The following PODN variants were observed in gnomAD, a reference collection of about 807,000 sequenced individuals.
PODN encodes podocan, also known as podocan proteoglycan.
PODN carries 40 observed loss-of-function variants against 52.7 expected under a neutral mutation model. That is an observed-to-expected ratio of 0.76 (90% CI 0.59 to 0.99). The LOEUF (loss-of-function observed/expected upper bound fraction) is 0.99. PODN is among the 50% of genes least tolerant of loss of function. PODN has a pLI of 0.00. For missense variants in PODN, 720 were observed against 815.1 expected (o/e 0.88, Z 1.42); for synonymous variants, 396 against 377.9 (o/e 1.05, Z -0.56).
intron 1 of PODN, among the ~76,000 whole-genome samples, chr1:53,066,503 A>G (rs1189205116): frequency 6.6e-6 from 1 of 152,194 alleles, no homozygotes; most frequent in Non-Finnish European, 1.5e-5. Context: ...GACCAGCCAC[A>G]TTTCAAGTGC....
intron 7 of PODN, 123 bp downstream of exon 7, chr1:53,077,923 G>A: frequency 1.4e-6 from 1 of 724,784 alleles, no homozygotes; most frequent in Non-Finnish European, 2.3e-6. Context: ...CCTGGAGAAG[G>A]AACTTTAAGC....
rs1644338903 is a variant in PODN, at chr1:53,084,765, C to G, written c.*280C>G. 1 of 152,846 alleles carries G rather than the reference C, an allele frequency of 6.5e-6. No homozygotes were observed. Among genetic ancestry groups the G allele is most frequent in the African/African-American group, 2.4e-5 (1 of 41,444 alleles). 9.5% of individuals were successfully genotyped at this position (152,846 alleles called of 1,614,324 possible). A position where few individuals can be genotyped will look rare whatever the true frequency, so the allele number is the denominator to read the frequency against. On this transcript the variant is annotated 3_prime_UTR_variant, in exon 11 of 11. Coordinates refer to ENST00000312553, the MANE Select transcript of PODN (RefSeq NM_153703.5). ...CCAAACCACCACAGTCTCTGTCACA[C>G]CCCCACTACCGCTGCCACGCCCTCT...
intron 7 of PODN, 73 bp from the exon 8 acceptor site, chr1:53,078,292 C>A: frequency 2.1e-6 from 3 of 1,449,138 alleles, no homozygotes; most frequent in Non-Finnish European, 2.8e-6. Flanking sequence ...CCAGCCACAT[C>A]TCTTGGGAAT....
chr1:53,073,441 A>G (rs1182844866), intron 3 of PODN: 1 of 152,234 alleles, frequency 6.6e-6, no homozygotes, highest in Non-Finnish European at 1.5e-5. Context: ...TTACACGCCA[A>G]CCAGCTTCTG....
chr1:53,074,937 AC>A (rs138042800), intron 4 of PODN, among the ~76,000 whole-genome samples: 2,471 of 152,060 alleles, frequency 0.016, 56 homozygotes, highest in African/African-American at 0.056. Context: ...GGGAAGGCAT[AC>A]CTGGAGGGCT....
In PODN at chr1:53,077,773, A is replaced by T; in HGVS notation, c.827A>T (p.Asp276Val). 11 of 1,613,500 alleles carry T rather than the reference A, an allele frequency of 6.8e-6. No homozygotes were observed. Among genetic ancestry groups the T allele is most frequent in the African/African-American group, 1.3e-5 (1 of 75,006 alleles). Residue 276 changes from aspartate to valine, a missense_variant, in exon 7 of 11, where the codon GAC (aspartate) becomes GTC (valine). Coordinates refer to ENST00000312553, the MANE Select transcript of PODN (RefSeq NM_153703.5). ...TACCTGCAGAACAACTACCTGACTGACGAGGGCCTGGACAACGAGACCTTC... is the reference window on the plus strand; with the variant it reads ...TACCTGCAGAACAACTACCTGACTGTCGAGGGCCTGGACAACGAGACCTTC... ...ELYLQNNYLT[D>V]EGLDNETFWK...
intron 4 of PODN, 132 bp downstream of exon 4, chr1:53,074,802 C>T: frequency 1.9e-6 from 1 of 523,998 alleles, no homozygotes; most frequent in South Asian, 3.4e-5. Context: ...AGACATGGCC[C>T]TGGGTCGGGG....
At chr1:53,082,226 C>CTGT in intron 10 of PODN, 38 bp downstream of exon 10, 1 of 1,447,942 alleles carries the variant, frequency 6.9e-7, no homozygotes, top group Non-Finnish European at 9.1e-7. Context: ...ACTTCTGCTC[C>CTGT]CTGCATTTTC....
At chr1:53,074,809 G>A (rs1044183277) in intron 4 of PODN, 139 bp downstream of exon 4, 31 of 671,256 alleles carry the variant, frequency 4.6e-5, no homozygotes, top group Non-Finnish European at 5.9e-5. Context: ...GCCCTGGGTC[G>A]GGGGTGGGGG....
At chr1:53,076,499 CTG>C (rs1644196903) in intron 5 of PODN, among the ~76,000 whole-genome samples, 1 of 152,166 alleles carries the variant, frequency 6.6e-6, no homozygotes, top group South Asian at 2.1e-4. Context: ...CACAGCAAAA[CTG>C]AGCTGTGTCT....
intron 4 of PODN, 68 bp downstream of exon 4, chr1:53,074,738 A>C: frequency 7.1e-7 from 1 of 1,410,706 alleles, no homozygotes; most frequent in Non-Finnish European, 9.6e-7. Flanking sequence ...CCTGAGTTCC[A>C]TGAACTTTCA....
Position 53,075,872 on chromosome 1 carries a change from C to T in PODN, c.482C>T (p.Ala161Val), listed in dbSNP as rs1328840265. ...CTCTTCCCTTCCCAGCTGACCTTGGCACCCCGCTTCCTGCCAAACGCCCTG... is the reference window on the plus strand; with the variant it reads ...CTCTTCCCTTCCCAGCTGACCTTGGTACCCCGCTTCCTGCCAAACGCCCTG... Reference protein sequence around the residue: ...LYLANNKLTLAPRFLPNALIS... With the variant: ...LYLANNKLTLVPRFLPNALIS... The change falls in exon 5 of 11, where the codon GCA becomes GTA. Residue 161 changes from alanine to valine, a missense_variant. Ala to Val is a moderately conservative substitution (Grantham distance 64). Transcript: ENST00000312553. The T allele has an allele frequency of 6.3e-7, 1 of 1,598,524 alleles. No individual in the cohort carries two copies. The highest frequency in any genetic ancestry group is 2.2e-5 in the East Asian group (1 of 44,568).
Position 53,078,874 on chromosome 1 carries a change from T to C in PODN, c.1364T>C (p.Val455Ala), listed in dbSNP as rs916656627. 18 of 1,612,376 alleles carry C rather than the reference T, an allele frequency of 1.1e-5. No individual in the cohort carries two copies. Among genetic ancestry groups the C allele is most frequent in the Admixed American group, 1.7e-5 (1 of 59,924 alleles). ...LPPGLPRNVH[V>A]LKVKRNELAA... ...CCTGGGCTGCCTCGAAATGTCCATG[T>C]GCTGAAGGTCAAGCGCAATGAGCTG... Residue 455 changes from valine to alanine, a missense_variant, in exon 8 of 11, where the codon GTG (valine) becomes GCG (alanine). Physicochemically the swap from Val to Ala is moderately conservative, Grantham distance 64. Coordinates refer to ENST00000312553, the MANE Select transcript of PODN (RefSeq NM_153703.5).
Position 53,080,852 on chromosome 1 carries a change from C to T in PODN, c.1637C>T (p.Pro546Leu), listed in dbSNP as rs1644285659. 1.2e-6 allele frequency: 2 copies of T among 1,614,140 alleles called. No homozygotes were observed. The highest frequency in any genetic ancestry group is 1.7e-6 in the Non-Finnish European group (2 of 1,180,030). ...CCCGCCAATGCCTTCGACTCCACGC[C>T]CAACCTCAAGGGGATCTTTCTCAGG... ...AVPANAFDST[P>L]NLKGIFLRFN... Residue 546 changes from proline to leucine, a missense_variant, in exon 9 of 11, where the codon CCC (proline) becomes CTC (leucine). Transcript: ENST00000312553.
At chr1:53,079,999 T>TAAAA (rs5774134) in intron 8 of PODN, among the ~76,000 whole-genome samples, 1 of 106,152 alleles carries the variant, frequency 9.4e-6, no homozygotes, top group East Asian at 2.9e-4. Flanking sequence ...TGTCTCAAAT[T>TAAAA]AAAAAAAAAA....
intron 5 of PODN, among the ~76,000 whole-genome samples, chr1:53,076,546 T>C (rs1644197834): frequency 6.6e-6 from 1 of 152,166 alleles, no homozygotes; most frequent in Non-Finnish European, 1.5e-5. Context: ...TCTTCCCTCC[T>C]TCTAGTATGT....
rs1464567144 is a variant in PODN at position 53,078,779 on chromosome 1, C to T, written c.1269C>T (p.Arg423=). The part of the protein sequence containing the change: ...YNRITSPQVH[R]DAFRKLRLLR... ...GCATCACCAGCCCGCAGGTGCACCG[C>T]GACGCCTTCCGCAAGCTGCGCCTGC... Residue 423 remains arginine (R), a synonymous_variant, in exon 8 of 11, where the codon CGC becomes CGT. Coordinates refer to ENST00000312553, the MANE Select transcript of PODN (RefSeq NM_153703.5). The T allele has an allele frequency of 2.1e-5, 34 of 1,613,084 alleles. No individual in the cohort carries two copies. The highest frequency in any genetic ancestry group is 2.8e-5 in the Non-Finnish European group (33 of 1,179,952).
At chr1:53,079,723 C>T (rs530189365) in intron 8 of PODN, among the ~76,000 whole-genome samples, 4 of 152,130 alleles carry the variant, frequency 2.6e-5, no homozygotes, top group African/African-American at 4.8e-5. Flanking sequence ...CCACTCTATA[C>T]GCTGGCTCAT....
chr1:53,075,943 C>G lies in PODN; in HGVS notation c.553C>G (p.Leu185Val), dbSNP rs1251313926. The G allele has an allele frequency of 1.2e-6, 2 of 1,600,690 alleles. No individual in the cohort carries two copies. Among genetic ancestry groups the G allele is most frequent in the African/African-American group, 2.7e-5 (2 of 74,754 alleles). The change falls in exon 5 of 11, where the codon CTC becomes GTC. Residue 185 changes from leucine (L) to valine (V), a missense_variant. Physicochemically the swap from Leu to Val is conservative, Grantham distance 32. Transcript: ENST00000312553. ...AANYLTKIYGLTFGQKPNLRS... is the reference protein window; with the variant it reads ...AANYLTKIYGVTFGQKPNLRS... ...CAACTATCTCACCAAGATCTATGGG[C>G]TCACCTTTGGCCAGAAGCCAAACTT...
Sources: allele counts gnomAD v4.1 joint callset (sites outside exome capture counted in the v4.1 genomes callset), GRCh38; gene constraint gnomAD v4.1.1; transcripts MANE v1.5; gene names NCBI Gene and HGNC (gene_info 2026-07-23, HGNC 2026-07-21).